The following AHI1 variants were observed in gnomAD, a reference collection of about 807,000 sequenced individuals.
AHI1 encodes the protein Abelson helper integration site 1, also known as jouberin.
A neutral mutation model predicts 149.3 loss-of-function variants in AHI1; 123 were observed. That is an observed-to-expected ratio of 0.82 (90% CI 0.71 to 0.96). AHI1 has a LOEUF of 0.96. Ranked by LOEUF, AHI1 falls within the 40% of genes least tolerant of loss-of-function variation. The pLI is 0.00. For missense variants in AHI1, 1,439 were observed against 1,422.7 expected (o/e 1.01, Z -0.18); for synonymous variants, 475 against 459.8 (o/e 1.03, Z -0.42).
intron 23 of AHI1, among the ~76,000 whole-genome samples, chr6:135,381,909 G>C (rs1429686491): frequency 6.6e-6 from 1 of 152,086 alleles, no homozygotes; most frequent in Non-Finnish European, 1.5e-5. Flanking sequence ...TTGATGAAAT[G>C]CTTCAATTAA....
intron 26 of AHI1, among the ~76,000 whole-genome samples, chr6:135,305,848 C>A (rs1437084259): frequency 6.6e-6 from 1 of 152,218 alleles, no homozygotes; most frequent in African/African-American, 2.4e-5. Flanking sequence ...AACCTTGCAT[C>A]CTAAGCTGCA....
chr6:135,358,612 C>T (rs1055857525), intron 23 of AHI1, among the ~76,000 whole-genome samples: 2 of 152,154 alleles, frequency 1.3e-5, no homozygotes, highest in South Asian at 2.1e-4. Flanking sequence ...ATAAATAAAT[C>T]CATCTGAATT....
chr6:135,355,762 G>A (rs2128432291), intron 24 of AHI1, among the ~76,000 whole-genome samples: 1 of 152,236 alleles, frequency 6.6e-6, no homozygotes, highest in Admixed American at 6.5e-5. Flanking sequence ...AGCTGGGCGT[G>A]GTTGTGGACG....
At chr6:135,372,712 A>T (rs2128457878) in intron 23 of AHI1, among the ~76,000 whole-genome samples, 1 of 152,238 alleles carries the variant, frequency 6.6e-6, no homozygotes, top group Middle Eastern at 3.4e-3. Context: ...ATTACTAAAC[A>T]ACAAGATAAC....
chr6:135,455,359 G>T (rs1442136587), intron 10 of AHI1, among the ~76,000 whole-genome samples: 1 of 152,022 alleles, frequency 6.6e-6, no homozygotes, highest in African/African-American at 2.4e-5. Context: ...TTATCCAGGT[G>T]GTACACATAT....
rs762102067 is a variant in AHI1 at position 135,318,610 on chromosome 6, T to C, written c.3335A>G (p.Tyr1112Cys). ...PANHVASETL[Y>C]QELPPEIKER... Reference sequence around the variant, plus strand: ...CTTTATCTCAGGAGGCAGTTCTTGATACAGTGCTGAAATTGGAAAAAGGAA... The same window carrying C: ...CTTTATCTCAGGAGGCAGTTCTTGACACAGTGCTGAAATTGGAAAAAGGAA... Residue 1112 changes from tyrosine (Y) to cysteine (C), a missense_variant, in exon 26 of 29, where the codon TAT (tyrosine) becomes TGT (cysteine). Physicochemically the swap from Tyr to Cys is radical, Grantham distance 194. Transcript: ENST00000265602. 4 of 1,599,560 alleles carry C rather than the reference T, an allele frequency of 2.5e-6. No individual in the cohort carries two copies. Among genetic ancestry groups the C allele is most frequent in the Non-Finnish European group, 3.4e-6 (4 of 1,172,780 alleles).
At chr6:135,363,032 T>C (rs1794156659) in intron 23 of AHI1, among the ~76,000 whole-genome samples, 1 of 149,568 alleles carries the variant, frequency 6.7e-6, no homozygotes, top group Non-Finnish European at 1.5e-5. Flanking sequence ...TTTTTAAATT[T>C]TATTTTATTT....
chr6:135,389,429 T>C lies in AHI1; in HGVS notation c.3109+5347A>G, dbSNP rs148749993. Among the ~76,000 whole-genome samples, 1,050 of 152,316 alleles carry C rather than the reference T, an allele frequency of 6.9e-3. 10 individuals carry two copies. Among genetic ancestry groups the C allele is most frequent in the African/African-American group, 0.021 (892 of 41,574 alleles). On this transcript the variant is annotated intron_variant, in intron 23 of 28. Transcript: ENST00000265602. The stretch of plus-strand genomic sequence containing the variant: ...GTCACTGAATAATTTTATGATCTTG[T>C]TTAAATCAAATATTTTCACTGTGAA...
At chr6:135,399,657 C>T (rs1583034214) in intron 22 of AHI1, among the ~76,000 whole-genome samples, 1 of 151,964 alleles carries the variant, frequency 6.6e-6, no homozygotes, top group Non-Finnish European at 1.5e-5. Context: ...ATTCATCTGC[C>T]TTCTAATGCT....
In AHI1 at chr6:135,466,364, T is replaced by C. The variant is rs369012543; in HGVS notation, c.199A>G (p.Ile67Val). The change falls in exon 7 of 29, where the codon ATT (isoleucine) becomes GTT (valine). Residue 67 changes from isoleucine to valine, a missense_variant. Transcript: ENST00000265602. Reference sequence around the variant, plus strand: ...TTAATATGGGGAAGATTGCTTCTAATAGTGTCGGGCTAGGAAAAGAAGACA... The same window carrying C: ...TTAATATGGGGAAGATTGCTTCTAACAGTGTCGGGCTAGGAAAAGAAGACA... ...KETTSDDPDT[I>V]RSNLPHIKET... The C allele has an allele frequency of 3.7e-5, 59 of 1,613,266 alleles. No individual in the cohort carries two copies. The African/African-American group carries it at 6.7e-4, about 18-fold the overall frequency.
At chr6:135,455,289 T>C (rs1470645609) in intron 10 of AHI1, among the ~76,000 whole-genome samples, 1 of 152,222 alleles carries the variant, frequency 6.6e-6, no homozygotes, top group African/African-American at 2.4e-5. Flanking sequence ...ATATAAGTTC[T>C]ACATCATTTT....
chr6:135,330,495 A>G (rs1788397305), intron 24 of AHI1, among the ~76,000 whole-genome samples: 1 of 152,252 alleles, frequency 6.6e-6, no homozygotes, highest in Non-Finnish European at 1.5e-5. Context: ...CATACTTAAT[A>G]GACTACAGTA....
intron 23 of AHI1, among the ~76,000 whole-genome samples, chr6:135,375,877 G>T (rs1201595253): frequency 6.6e-6 from 1 of 152,200 alleles, no homozygotes; most frequent in South Asian, 2.1e-4. Context: ...TCCAGCTCTG[G>T]GGTAGGGATA....
rs150425546 is a variant in AHI1, at chr6:135,442,703, G to A, written c.1791C>T (p.Ile597=). ...TTAGTGAGAAGAGGTGTTTGTTTGG[G>A]ATACGGCAAGCCTAAAAAACATACG... ...WKRLPGQACR[I]PNKHLFSLNA... The change falls in exon 14 of 29, where the codon ATC becomes ATT. Residue 597 remains isoleucine, a synonymous_variant. Transcript: ENST00000265602. 6.6e-4 allele frequency: 1,061 copies of A among 1,607,948 alleles called. 12 individuals are homozygous for A. In the African/African-American group the frequency reaches 0.01, roughly 16 times the overall value.
chr6:135,300,414 T>A, intron 27 of AHI1, 86 bp downstream of exon 27: 1 of 1,308,296 alleles, frequency 7.6e-7, no homozygotes, highest in Non-Finnish European at 1.0e-6. Flanking sequence ...TTTGATAATG[T>A]TATAAAAATA....
At chr6:135,454,160 T>C (rs1788560321) in intron 10 of AHI1, among the ~76,000 whole-genome samples, 1 of 152,188 alleles carries the variant, frequency 6.6e-6, no homozygotes, top group Non-Finnish European at 1.5e-5. Context: ...AAAAAATATA[T>C]AGATCCAAAG....
chr6:135,404,825 C>A, intron 22 of AHI1, 126 bp downstream of exon 22: 1 of 798,738 alleles, frequency 1.3e-6, no homozygotes, highest in East Asian at 2.7e-5. Context: ...AGCTGAGCTC[C>A]AATAATGAAA....
chr6:135,462,070 T>G (rs999019991), intron 8 of AHI1, among the ~76,000 whole-genome samples: 1 of 152,010 alleles, frequency 6.6e-6, no homozygotes, highest in East Asian at 1.9e-4. Context: ...TTTATATATA[T>G]AGAAACACAT....
chr6:135,336,629 C>G (rs115793878), intron 24 of AHI1, among the ~76,000 whole-genome samples: 2,617 of 152,256 alleles, frequency 0.017, 34 homozygotes, highest in African/African-American at 0.033. Flanking sequence ...ATGAGATATT[C>G]TGTTTCTTAA....
Sources: allele counts gnomAD v4.1 joint callset (sites outside exome capture counted in the v4.1 genomes callset), GRCh38; gene constraint gnomAD v4.1.1; transcripts MANE v1.5; gene names NCBI Gene and HGNC (gene_info 2026-07-23, HGNC 2026-07-21).